SGSM3: variants seen among roughly 807,000 people sequenced by gnomAD.
SGSM3 encodes small G protein signaling modulator 3.
A neutral mutation model predicts 100.5 loss-of-function variants in SGSM3; 96 were observed. That is an observed-to-expected ratio of 0.96 (90% confidence interval 0.81 to 1.13). The LOEUF is 1.13. SGSM3 is among the 50% of genes most tolerant of loss of function. SGSM3 has a pLI of 0.00. For synonymous variants in SGSM3, 483 were observed against 422.8 expected (o/e 1.14, Z -1.75); for missense variants, 1,001 against 1,015.8 (o/e 0.99, Z 0.20).
intron 1 of SGSM3, among the ~76,000 whole-genome samples, chr22:40,393,612 C>T (rs896108000): frequency 6.6e-6 from 1 of 152,214 alleles, no homozygotes; most frequent in Admixed American, 6.5e-5. Flanking sequence ...TTGAGTGACA[C>T]GGATGATCAC....
Position 40,408,094 on chromosome 22 carries a change from G to T in SGSM3, c.1603G>T (p.Glu535Ter), listed in dbSNP as rs2051895547. 1 of 1,580,076 alleles carries T rather than the reference G, an allele frequency of 6.3e-7. No homozygotes were observed. Among genetic ancestry groups the T allele is most frequent in the Non-Finnish European group, 8.7e-7 (1 of 1,154,026 alleles). ...AGGCTGGTTTCCAGCCAAGTTCGTG[G>T]AAGTCCTGGATGAGCGCAGCAAAGA... ...LRGWFPAKFV[E>*]VLDERSKEYS... Residue 535 changes from glutamate to a stop codon, truncating the protein, a stop_gained, in exon 15 of 22, where the codon GAA becomes TAA. Coordinates refer to ENST00000248929, the MANE Select transcript of SGSM3 (RefSeq NM_015705.6). LOFTEE classifies it high-confidence loss of function.
At chr22:40,386,054 A>G (rs1225013036) in intron 1 of SGSM3, among the ~76,000 whole-genome samples, 5 of 144,992 alleles carry the variant, frequency 3.4e-5, no homozygotes, top group African/African-American at 5.1e-5. Context: ...TTGTTTTTCT[A>G]TTTTTAGTAG....
At chr22:40,396,987 C>G (rs2050131919) in intron 1 of SGSM3, among the ~76,000 whole-genome samples, 1 of 152,196 alleles carries the variant, frequency 6.6e-6, no homozygotes, top group African/African-American at 2.4e-5. Flanking sequence ...CTAAATCAAT[C>G]CTGTTTTTCA....
At position 40,409,516 on chromosome 22, in the gene SGSM3, G is replaced by GAAGA; in HGVS notation, c.2164_2167dup (p.Arg723LysfsTer42). 6.3e-7 allele frequency: 1 copy of GAAGA among 1,598,614 alleles called. No homozygotes were observed. Among genetic ancestry groups the GAAGA allele is most frequent in the Non-Finnish European group, 8.5e-7 (1 of 1,172,624 alleles). On this transcript the variant is annotated frameshift_variant, in exon 21 of 22. Transcript: ENST00000248929. LOFTEE classifies it high-confidence loss of function. ...TCTCCCAGGACTGGGAGCTCCCTGCGAAGAGAGAGGTGGGTGGTGTGGGCC... is the reference window on the plus strand; with the variant it reads ...TCTCCCAGGACTGGGAGCTCCCTGCGAAGAAAGAGAGAGGTGGGTGGTGTGGGCC...
chr22:40,371,611 T>C, intron 1 of SGSM3, among the ~76,000 whole-genome samples: 1 of 152,362 alleles, frequency 6.6e-6, no homozygotes, highest in Non-Finnish European at 1.5e-5. Flanking sequence ...GTTCCAATTA[T>C]CTCTGCACTC....
rs139787997 is a variant in SGSM3, at chr22:40,397,206, T to C, written c.-111-3490T>C. 2.8e-4 allele frequency among the ~76,000 whole-genome samples: 42 copies of C among 152,244 alleles called. 2 individuals are homozygous for C. The East Asian group carries it at 6.8e-3, about 25-fold the overall frequency. On this transcript the variant is annotated intron_variant, in intron 1 of 21. Coordinates refer to ENST00000248929, the MANE Select transcript of SGSM3 (RefSeq NM_015705.6). ...GTGGGAGAAGTGGCGTGTTTATATA[T>C]ACTTATATACATTACATACATTTAT... is the stretch of plus-strand genomic sequence containing the variant.
chr22:40,378,382 T>TAG (rs2047000281), intron 1 of SGSM3: 1 of 152,314 alleles, frequency 6.6e-6, no homozygotes, highest in Admixed American at 6.5e-5. Context: ...TGAGCTGGAA[T>TAG]AGTGCCACTG....
intron 10 of SGSM3, 53 bp downstream of exon 10, chr22:40,406,715 G>A (rs1370453550): frequency 2.0e-6 from 3 of 1,473,314 alleles, no homozygotes; most frequent in East Asian, 2.3e-5. Flanking sequence ...GGGAGGAGGG[G>A]TCACCTTGAA....
rs1230188622 is a variant in SGSM3, at chr22:40,395,323, CTCTT to C, written c.-111-5371_-111-5368del. Among the ~76,000 whole-genome samples, 342 of 151,590 alleles carry C rather than the reference CTCTT, an allele frequency of 2.3e-3. 1 individual carries two copies. The highest frequency in any genetic ancestry group is 7.9e-3 in the African/African-American group (326 of 41,350). On this transcript the variant is annotated intron_variant, in intron 1 of 21. Coordinates refer to ENST00000248929, the MANE Select transcript of SGSM3 (RefSeq NM_015705.6). ...AATAAGCATTTAAATTACCCCATAACTCTTTTTTTTTTTTTTTAGACAGGATCTC... is the reference window on the plus strand; with the variant it reads ...AATAAGCATTTAAATTACCCCATAACTTTTTTTTTTTTTAGACAGGATCTC...
chr22:40,409,045 G>C (rs554360262), intron 19 of SGSM3, 27 bp downstream of exon 19: 1 of 1,554,994 alleles, frequency 6.4e-7, no homozygotes, highest in South Asian at 1.2e-5. Flanking sequence ...GGTTGGAGGA[G>C]AGCCCTGGAG....
intron 1 of SGSM3, among the ~76,000 whole-genome samples, chr22:40,376,792 A>T (rs1032094386): frequency 4.6e-5 from 7 of 151,970 alleles, no homozygotes; most frequent in African/African-American, 1.7e-4. Flanking sequence ...TGTTTTTTTT[A>T]ATTTAGCATA....
At chr22:40,396,507 C>T (rs1468895018) in intron 1 of SGSM3, among the ~76,000 whole-genome samples, 1 of 148,942 alleles carries the variant, frequency 6.7e-6, no homozygotes, top group Non-Finnish European at 1.5e-5. Flanking sequence ...GCAGGAGAAT[C>T]GCTTGAACCT....
intron 1 of SGSM3, among the ~76,000 whole-genome samples, chr22:40,395,875 T>TGGAGA (rs2049981491): frequency 6.6e-6 from 1 of 152,162 alleles, no homozygotes; most frequent in Admixed American, 6.5e-5. Context: ...TCATTCTCCG[T>TGGAGA]AATCTTTCCT....
intron 1 of SGSM3, among the ~76,000 whole-genome samples, chr22:40,371,390 G>C (rs1159199124): frequency 6.6e-6 from 1 of 152,214 alleles, no homozygotes; most frequent in Non-Finnish European, 1.5e-5. Flanking sequence ...CGTTTGTGGT[G>C]GGTTGATGGC....
chr22:40,395,385 G>A (rs371692244), intron 1 of SGSM3, among the ~76,000 whole-genome samples: 2 of 150,720 alleles, frequency 1.3e-5, no homozygotes, highest in Admixed American at 6.6e-5. Context: ...GCAGTGGCAC[G>A]ATCTCAGCTC....
Position 40,408,076 on chromosome 22 carries a change from T to A in SGSM3, c.1585T>A (p.Phe529Ile), listed in dbSNP as rs769452524. The change falls in exon 15 of 22, where the codon TTT becomes ATT. Residue 529 changes from phenylalanine (F) to isoleucine (I), a missense_variant. Coordinates refer to ENST00000248929, the MANE Select transcript of SGSM3 (RefSeq NM_015705.6). The part of the protein sequence containing the change: ...VGELNGLRGW[F>I]PAKFVEVLDE... Reference sequence around the variant, plus strand: ...AGGGCCTGTTTTTCCCACAGGCTGGTTTCCAGCCAAGTTCGTGGAAGTCCT... The same window carrying A: ...AGGGCCTGTTTTTCCCACAGGCTGGATTCCAGCCAAGTTCGTGGAAGTCCT... 1.3e-4 allele frequency: 217 copies of A among 1,613,406 alleles called. 2 individuals carry two copies. Among genetic ancestry groups the A allele is most frequent in the South Asian group, 7.0e-4 (64 of 91,046 alleles).
Position 40,405,190 on chromosome 22 carries a change from G to T in SGSM3, c.524G>T (p.Ser175Ile). 1 of 1,587,274 alleles carries T rather than the reference G, an allele frequency of 6.3e-7. No homozygotes were observed. Among genetic ancestry groups the T allele is most frequent in the South Asian group, 1.1e-5 (1 of 88,532 alleles). The change falls in exon 7 of 22, where the codon AGC becomes ATC. Residue 175 changes from serine (S) to isoleucine (I), a missense_variant. By Grantham distance (142) the Ser-to-Ile change is moderately radical (BLOSUM62 -2). Transcript: ENST00000248929. ...RTMPSNACFA[S>I]MGSIGVPRLR... is the part of the protein sequence containing the mutation. ...ATGCCCAGCAACGCCTGCTTCGCCA[G>T]CATGGGTAGCATCGGGGTGCCCCGC...
At chr22:40,382,633 G>A (rs962428105) in intron 1 of SGSM3, among the ~76,000 whole-genome samples, 1 of 152,160 alleles carries the variant, frequency 6.6e-6, no homozygotes, top group African/African-American at 2.4e-5. Flanking sequence ...CTTGGTTAAG[G>A]GAGTCACAGA....
At chr22:40,387,611 C>G (rs961632910) in intron 1 of SGSM3, 1 of 162,278 alleles carries the variant, frequency 6.2e-6, no homozygotes, top group African/African-American at 2.4e-5. Context: ...TTCAGAGCTA[C>G]CTGAAAGCTG....
Sources: gnomAD v4.1 joint callset for allele counts (sites outside exome capture counted in the v4.1 genomes callset) on GRCh38, gnomAD v4.1.1 for gene constraint, MANE v1.5 for transcripts, NCBI Gene and HGNC (gene_info 2026-07-23, HGNC 2026-07-21) for gene names.